The following TLL2 variants were observed in gnomAD, a reference collection of about 807,000 sequenced individuals.
The protein encoded by TLL2 is tolloid like 2, also known as tolloid-like protein 2.
TLL2 carries 106 observed loss-of-function variants against 123.0 expected under a neutral mutation model. The observed-to-expected ratio is 0.86, with a 90% CI of 0.74 to 1.01. TLL2 has a LOEUF of 1.01. Ranked by LOEUF, TLL2 falls within the 50% of genes least tolerant of loss-of-function variation. The pLI is 0.00. For synonymous variants in TLL2, 494 were observed against 516.8 expected (o/e 0.96, Z 0.60); for missense variants, 1,332 against 1,336.7 (o/e 1.00, Z 0.06).
intron 2 of TLL2, among the ~76,000 whole-genome samples, chr10:96,456,875 T>C (rs1015812203): frequency 6.6e-6 from 1 of 152,040 alleles, no homozygotes; most frequent in Non-Finnish European, 1.5e-5. Context: ...CCCAGCCTGG[T>C]CCCCAGGGGA....
intron 7 of TLL2, among the ~76,000 whole-genome samples, chr10:96,417,569 C>T (rs58945768): frequency 0.012 from 1,771 of 152,288 alleles, 36 homozygotes; most frequent in African/African-American, 0.04. Flanking sequence ...CTTTGACCAA[C>T]AGAATGTGGC....
chr10:96,397,303 C>T lies in TLL2; in HGVS notation c.1268-1G>A, dbSNP rs779086577. On this transcript the variant is annotated splice_acceptor_variant, in intron 10 of 20. Coordinates refer to ENST00000357947, the MANE Select transcript of TLL2 (RefSeq NM_012465.4). LOFTEE classifies it high-confidence loss of function. ...GGGATCTTATCGCCACAAAACCTGC[C>T]TGGAAAGTGGAAAAAGAAGCAGTTA... 5.5e-5 allele frequency: 88 copies of T among 1,610,386 alleles called. No homozygotes were observed. The highest frequency in any genetic ancestry group is 7.1e-5 in the Non-Finnish European group (84 of 1,178,024).
chr10:96,449,633 G>A (rs1428000049), intron 2 of TLL2, among the ~76,000 whole-genome samples: 1 of 151,892 alleles, frequency 6.6e-6, no homozygotes, highest in Non-Finnish European at 1.5e-5. Context: ...CCCTGCCCTT[G>A]GGATAGATTC....
chr10:96,371,447 A>G (rs1324359654), intron 19 of TLL2, among the ~76,000 whole-genome samples: 5 of 152,210 alleles, frequency 3.3e-5, no homozygotes, highest in Admixed American at 3.3e-4. Context: ...ATGCCCCCCG[A>G]GGGGCCCAGG....
chr10:96,446,011 G>T, intron 3 of TLL2, 80 bp downstream of exon 3: 1 of 1,388,304 alleles, frequency 7.2e-7, no homozygotes, highest in South Asian at 1.2e-5. Flanking sequence ...GCTTTAAAAT[G>T]GTAAGTCTTA....
intron 9 of TLL2, among the ~76,000 whole-genome samples, chr10:96,406,444 G>C (rs995609569): frequency 6.6e-6 from 1 of 152,008 alleles, no homozygotes; most frequent in East Asian, 1.9e-4. Flanking sequence ...GACTCTATTC[G>C]TTTTCCAACC....
At chr10:96,434,880 C>T (rs534014837) in intron 3 of TLL2, among the ~76,000 whole-genome samples, 1 of 152,188 alleles carries the variant, frequency 6.6e-6, no homozygotes, top group South Asian at 2.1e-4. Flanking sequence ...TATAGTCATC[C>T]TAATGGTGTG....
chr10:96,500,926 T>C (rs1389593479), intron 1 of TLL2, among the ~76,000 whole-genome samples: 2 of 152,228 alleles, frequency 1.3e-5, no homozygotes, highest in South Asian at 2.1e-4. Flanking sequence ...ATTGGTTTTG[T>C]ATAAGAATGT....
chr10:96,428,490 C>G (rs1229975255), intron 5 of TLL2, 141 bp downstream of exon 5: 2 of 613,892 alleles, frequency 3.3e-6, no homozygotes, highest in East Asian at 5.8e-5. Flanking sequence ...TGTAATTTCA[C>G]CAAGGGCAGA....
chr10:96,368,032 A>AAAAAC lies in TLL2; in HGVS notation c.*51_*55dup, dbSNP rs1846045442. ...AGATTTTCAAGGTGCTATTGTTGTT[A>AAAAAC]AAAACAAAACAAAACAAAAAAAATT... On this transcript the variant is annotated 3_prime_UTR_variant, in exon 21 of 21. Coordinates refer to ENST00000357947, the MANE Select transcript of TLL2 (RefSeq NM_012465.4). 21 of 1,605,054 alleles carry AAAAAC rather than the reference A, an allele frequency of 1.3e-5. No homozygotes were observed. The South Asian group carries it at 1.8e-4, about 14-fold the overall frequency.
In TLL2 at chr10:96,396,191, A is replaced by T. The variant is rs1225259427; in HGVS notation, c.1385-171T>A. ...CGCGCCTCCAGAAAGGCACGATTGC[A>T]TTTGTCTTTAACTCTGAATTTTTTT... On this transcript the variant is annotated intron_variant, in intron 11 of 20. Coordinates refer to ENST00000357947, the MANE Select transcript of TLL2 (RefSeq NM_012465.4). Among the ~76,000 whole-genome samples, 4 of 152,122 alleles carry T rather than the reference A, an allele frequency of 2.6e-5. No homozygotes were observed. In the East Asian group the frequency reaches 7.7e-4, roughly 29 times the overall value.
chr10:96,478,192 G>A (rs1345213544), intron 2 of TLL2, among the ~76,000 whole-genome samples: 2 of 152,166 alleles, frequency 1.3e-5, no homozygotes, highest in South Asian at 4.2e-4. Flanking sequence ...CTCTCTTTGG[G>A]GTCTCTCACT....
chr10:96,510,710 T>C (rs951977980), intron 1 of TLL2, among the ~76,000 whole-genome samples: 3 of 152,204 alleles, frequency 2.0e-5, no homozygotes, highest in African/African-American at 4.8e-5. Context: ...ATTGCAAAAG[T>C]AGTGAAATGG....
At chr10:96,507,679 T>C (rs917297149) in intron 1 of TLL2, among the ~76,000 whole-genome samples, 1 of 152,182 alleles carries the variant, frequency 6.6e-6, no homozygotes, top group African/African-American at 2.4e-5. Context: ...TAGTTCTTTT[T>C]TTCCCTGAGG....
chr10:96,370,673 T>C (rs539961697), intron 19 of TLL2, among the ~76,000 whole-genome samples: 40 of 152,354 alleles, frequency 2.6e-4, no homozygotes, highest in South Asian at 4.1e-4. Context: ...TTTGCCACTT[T>C]ATTCCCTGGA....
At chr10:96,433,238 T>C (rs1846763033) in intron 3 of TLL2, among the ~76,000 whole-genome samples, 1 of 152,116 alleles carries the variant, frequency 6.6e-6, no homozygotes, top group Non-Finnish European at 1.5e-5. Context: ...TGGGCAGGGA[T>C]ACCTCACAGC....
intron 2 of TLL2, among the ~76,000 whole-genome samples, chr10:96,451,304 A>C (rs1846956733): frequency 6.6e-6 from 1 of 152,212 alleles, no homozygotes; most frequent in Non-Finnish European, 1.5e-5. Context: ...TTCCGCTCTC[A>C]ACAAAAAGTG....
At chr10:96,404,314 T>G (rs1846428558) in intron 10 of TLL2, among the ~76,000 whole-genome samples, 1 of 151,132 alleles carries the variant, frequency 6.6e-6, no homozygotes, top group Non-Finnish European at 1.5e-5. Flanking sequence ...CTGCCCACTG[T>G]GTCTCACTCA....
chr10:96,421,828 ACT>A (rs990969143), intron 6 of TLL2, among the ~76,000 whole-genome samples: 10 of 152,228 alleles, frequency 6.6e-5, no homozygotes, highest in African/African-American at 2.4e-4. Context: ...CAAGAGTGAG[ACT>A]CTGTCTCAAA....
Sources: allele counts gnomAD v4.1 joint callset (sites outside exome capture counted in the v4.1 genomes callset), GRCh38; gene constraint gnomAD v4.1.1; transcripts MANE v1.5; gene names NCBI Gene and HGNC (gene_info 2026-07-23, HGNC 2026-07-21).